DLGAP1: variants seen among roughly 807,000 people sequenced by gnomAD.
DLGAP1 encodes the protein DLG associated protein 1, also known as disks large-associated protein 1.
Under a neutral mutation model 90.8 loss-of-function variants are expected in DLGAP1, and 11 were observed. That is an observed-to-expected ratio of 0.12 (90% CI 0.08 to 0.20). The LOEUF is 0.20. Ranked by LOEUF, DLGAP1 falls within the 10% of genes least tolerant of loss-of-function variation. DLGAP1 has a pLI of 1.00. For synonymous variants in DLGAP1, 558 were observed against 540.7 expected (o/e 1.03, Z -0.44); for missense variants, 1,050 against 1,333.8 (o/e 0.79, Z 3.31).
intron 4 of DLGAP1, among the ~76,000 whole-genome samples, chr18:3,863,759 CAG>C (rs1220025028): frequency 6.6e-6 from 1 of 152,232 alleles, no homozygotes; most frequent in East Asian, 1.9e-4. Context: ...CCTCTGCAGC[CAG>C]CTGCCTGGTG....
At chr18:4,245,784 T>C (rs537510112) in intron 1 of DLGAP1, among the ~76,000 whole-genome samples, 5 of 148,198 alleles carry the variant, frequency 3.4e-5, no homozygotes, top group African/African-American at 7.3e-5. Context: ...TTTATATCAA[T>C]GAAATGCAAA....
At chr18:3,614,502 G>T (rs1599550724) in intron 7 of DLGAP1, among the ~76,000 whole-genome samples, 1 of 152,126 alleles carries the variant, frequency 6.6e-6, no homozygotes, top group Non-Finnish European at 1.5e-5. Context: ...AAAATACCAT[G>T]GTGGCAAATA....
At chr18:4,197,208 A>AG (rs1290466122) in intron 1 of DLGAP1, among the ~76,000 whole-genome samples, 1 of 149,180 alleles carries the variant, frequency 6.7e-6, no homozygotes, top group Non-Finnish European at 1.5e-5. Context: ...AAAAAAAAAA[A>AG]GAAAAAAAAA....
At chr18:3,502,357 T>C (rs1304738364) in intron 12 of DLGAP1, 136 bp downstream of exon 12, 19 of 1,450,632 alleles carry the variant, frequency 1.3e-5, no homozygotes, top group Non-Finnish European at 1.7e-5. Flanking sequence ...GTAAACATTG[T>C]CATTACAATG....
At chr18:4,094,580 T>TCTTC (rs781059589) in intron 2 of DLGAP1, among the ~76,000 whole-genome samples, 132 of 151,198 alleles carry the variant, frequency 8.7e-4, no homozygotes, top group Non-Finnish European at 1.2e-3. Flanking sequence ...ATATATTTTA[T>TCTTC]CTTCCTTCCT....
At chr18:3,830,682 C>T (rs545237480) in intron 4 of DLGAP1, among the ~76,000 whole-genome samples, 15 of 152,232 alleles carry the variant, frequency 9.9e-5, no homozygotes, top group Middle Eastern at 3.4e-3. Context: ...ATAGAGCTAA[C>T]CTTAAAAAAA....
chr18:3,754,047 C>T (rs2063611175), intron 5 of DLGAP1, among the ~76,000 whole-genome samples: 1 of 152,162 alleles, frequency 6.6e-6, no homozygotes, highest in Non-Finnish European at 1.5e-5. Context: ...ATCATCTAGG[C>T]TAGAGTGCAG....
chr18:4,143,180 C>G (rs1188521776), intron 2 of DLGAP1, among the ~76,000 whole-genome samples: 2 of 152,080 alleles, frequency 1.3e-5, no homozygotes, highest in African/African-American at 4.8e-5. Flanking sequence ...GCAAAGCCAG[C>G]TAGGCTCATA....
intron 7 of DLGAP1, among the ~76,000 whole-genome samples, chr18:3,691,173 G>A (rs1371883290): frequency 6.6e-6 from 1 of 152,182 alleles, no homozygotes; most frequent in Non-Finnish European, 1.5e-5. Context: ...AAAAGGGCAG[G>A]TGCAGGGGGT....
intron 7 of DLGAP1, among the ~76,000 whole-genome samples, chr18:3,675,083 T>C (rs1315541301): frequency 6.6e-6 from 1 of 152,218 alleles, no homozygotes; most frequent in African/African-American, 2.4e-5. Flanking sequence ...TTAGCTGGTT[T>C]TTTTTTGAGA....
chr18:3,932,108 ACTTAAGC>A (rs2072530237), intron 3 of DLGAP1, among the ~76,000 whole-genome samples: 1 of 152,164 alleles, frequency 6.6e-6, no homozygotes, highest in Non-Finnish European at 1.5e-5. Flanking sequence ...TCTAAAATAT[ACTTAAGC>A]ATCCTAATAA....
At chr18:3,890,278 T>A (rs2071426398) in intron 3 of DLGAP1, among the ~76,000 whole-genome samples, 1 of 152,228 alleles carries the variant, frequency 6.6e-6, no homozygotes, top group South Asian at 2.1e-4. Context: ...ATACATTCAC[T>A]TTTTGAAAAC....
intron 4 of DLGAP1, among the ~76,000 whole-genome samples, chr18:3,863,125 A>G (rs28427048): frequency 0.01 from 1,586 of 152,332 alleles, 24 homozygotes; most frequent in African/African-American, 0.035. Context: ...ACCACTAGAA[A>G]CGTAGCTACG....
intron 5 of DLGAP1, among the ~76,000 whole-genome samples, chr18:3,785,017 T>C (rs1184208689): frequency 6.6e-6 from 1 of 152,234 alleles, no homozygotes; most frequent in Non-Finnish European, 1.5e-5. Context: ...AAATCCACCT[T>C]ACTTTACAGA....
intron 1 of DLGAP1, among the ~76,000 whole-genome samples, chr18:4,381,384 T>C (rs967902324): frequency 6.6e-6 from 1 of 152,188 alleles, no homozygotes; most frequent in Non-Finnish European, 1.5e-5. Context: ...ATAGTGAGCA[T>C]ATTTCAAAAG....
At chr18:3,958,242 A>G (rs2073121860) in intron 3 of DLGAP1, among the ~76,000 whole-genome samples, 1 of 151,728 alleles carries the variant, frequency 6.6e-6, no homozygotes, top group South Asian at 2.1e-4. Flanking sequence ...CAACTATAAT[A>G]TGGAAGCAGG....
Position 4,112,103 on chromosome 18 carries a change from C to G in DLGAP1, c.-159+39077G>C, listed in dbSNP as rs113629435. On this transcript the variant is annotated intron_variant, in intron 2 of 12. Coordinates refer to ENST00000315677, the MANE Select transcript of DLGAP1 (RefSeq NM_004746.4). ...TTCCCTGTGATCACTGCTTTAGCTACAATCCATACATTTTGGTACGTTGTA... is the reference window on the plus strand; with the variant it reads ...TTCCCTGTGATCACTGCTTTAGCTAGAATCCATACATTTTGGTACGTTGTA... 1.1e-3 allele frequency among the ~76,000 whole-genome samples: 168 copies of G among 152,018 alleles called. 1 individual carries two copies. Among genetic ancestry groups the G allele is most frequent in the African/African-American group, 3.9e-3 (163 of 41,528 alleles).
intron 7 of DLGAP1, among the ~76,000 whole-genome samples, chr18:3,599,776 G>A (rs1364537918): frequency 6.6e-6 from 1 of 151,854 alleles, no homozygotes; most frequent in Non-Finnish European, 1.5e-5. Context: ...GCGCCACCAC[G>A]CCCGGCTAAT....
intron 1 of DLGAP1, among the ~76,000 whole-genome samples, chr18:4,292,652 T>C (rs993460504): frequency 1.3e-5 from 2 of 152,190 alleles, no homozygotes; most frequent in Non-Finnish European, 2.9e-5. Context: ...AAGCAATATA[T>C]TTCCAGGAAT....
Sources: gnomAD v4.1 joint callset for allele counts (sites outside exome capture counted in the v4.1 genomes callset) on GRCh38, gnomAD v4.1.1 for gene constraint, MANE v1.5 for transcripts, NCBI Gene and HGNC (gene_info 2026-07-23, HGNC 2026-07-21) for gene names.